Variants in DIP2A observed in about 807,000 individuals in gnomAD.
The protein encoded by DIP2A is DIP2 acetate--CoA ligase A.
A neutral mutation model predicts 177.4 loss-of-function variants in DIP2A; 85 were observed. The observed-to-expected ratio is 0.48, with a 90% CI of 0.40 to 0.57. The LOEUF is 0.57. Among genes scored for constraint, DIP2A ranks in the 20% least tolerant of loss-of-function variants. DIP2A has a pLI of 0.00. For missense variants in DIP2A, 1,791 were observed against 2,100.2 expected (o/e 0.85, Z 2.88); for synonymous variants, 886 against 881.8 (o/e 1.00, Z -0.08).
In DIP2A at chr21:46,554,690, C is replaced by G. The variant is rs751652705; in HGVS notation, c.3270C>G (p.Ile1090Met). Residue 1090 changes from isoleucine (I) to methionine (M), a missense_variant, in exon 27 of 38, where the codon ATC (isoleucine) becomes ATG (methionine). Ile to Met is a conservative substitution (Grantham distance 10). Coordinates refer to ENST00000417564, the MANE Select transcript of DIP2A (RefSeq NM_015151.4). ...LGTTLPTVKM[I>M]VEVSKSACVL... The stretch of plus-strand genomic sequence containing the variant: ...CCACACTGCCCACCGTCAAGATGAT[C>G]GTGGAGGTGCGCCTACCTGGCCCGC... 1 of 1,567,112 alleles carries G rather than the reference C, an allele frequency of 6.4e-7. No homozygotes were observed. Among genetic ancestry groups the G allele is most frequent in the Non-Finnish European group, 8.6e-7 (1 of 1,156,948 alleles).
Position 46,550,564 on chromosome 21 carries a change from G to C in DIP2A, c.2659G>C (p.Val887Leu). Reference protein sequence around the residue: ...VLQAIDSIHQVGVYCLALVPA... With the variant: ...VLQAIDSIHQLGVYCLALVPA... ...TCAGGCCATTGATAGCATCCACCAGGTGGGCGTGTACTGTCTGGCCCTGGT... is the reference window on the plus strand; with the variant it reads ...TCAGGCCATTGATAGCATCCACCAGCTGGGCGTGTACTGTCTGGCCCTGGT... Residue 887 changes from valine (V) to leucine (L), a missense_variant, in exon 23 of 38, where the codon GTG becomes CTG. Transcript: ENST00000417564. 6.2e-7 allele frequency: 1 copy of C among 1,613,376 alleles called. No individual in the cohort carries two copies. Among genetic ancestry groups the C allele is most frequent in the Non-Finnish European group, 8.5e-7 (1 of 1,179,708 alleles).
At chr21:46,476,089 A>G (rs914699040) in intron 1 of DIP2A, among the ~76,000 whole-genome samples, 1 of 151,680 alleles carries the variant, frequency 6.6e-6, no homozygotes, top group African/African-American at 2.4e-5. Flanking sequence ...CAAAAAAAAA[A>G]AAAAAAATTA....
chr21:46,496,029 G>A (rs559007412), intron 3 of DIP2A, among the ~76,000 whole-genome samples: 1 of 151,872 alleles, frequency 6.6e-6, no homozygotes, highest in Admixed American at 6.6e-5. Flanking sequence ...CTGAGATCAC[G>A]CCATTGCATT....
the DIP2A span, among the ~76,000 whole-genome samples, chr21:46,576,855 T>C: frequency 6.6e-6 from 1 of 152,242 alleles, no homozygotes; most frequent in Non-Finnish European, 1.5e-5. Context: ...TTTGTGGTTT[T>C]GACTTGCATT....
At chr21:46,533,733 A>G in intron 11 of DIP2A, 86 bp downstream of exon 11, 2 of 1,574,302 alleles carry the variant, frequency 1.3e-6, no homozygotes, top group Non-Finnish European at 8.6e-7. Flanking sequence ...AACATGACAG[A>G]GGTGTCTGGG....
chr21:46,467,776 C>A (rs1029151324), intron 1 of DIP2A, among the ~76,000 whole-genome samples: 3 of 151,494 alleles, frequency 2.0e-5, no homozygotes, highest in African/African-American at 7.3e-5. Flanking sequence ...TATCCCAGTA[C>A]AAGTGTCTTT....
At chr21:46,485,072 T>C (rs2056597382) in intron 2 of DIP2A, among the ~76,000 whole-genome samples, 1 of 152,234 alleles carries the variant, frequency 6.6e-6, no homozygotes, top group African/African-American at 2.4e-5. Context: ...TCTGGCTTGA[T>C]ACAGATCTCA....
Position 46,538,576 on chromosome 21 carries a change from T to C in DIP2A, c.1895T>C (p.Leu632Pro). Residue 632 changes from leucine to proline, a missense_variant, in exon 16 of 38, where the codon CTG becomes CCG. Physicochemically the swap from Leu to Pro is moderately conservative, Grantham distance 98 (BLOSUM62 -3). Coordinates refer to ENST00000417564, the MANE Select transcript of DIP2A (RefSeq NM_015151.4). ...RDVSLSSLRM[L>P]IVADGANPWS... is the part of the protein sequence containing the mutation. ...GTCAGCCTCAGCTCACTGCGCATGC[T>C]GATTGTGGCCGATGGTGCCAACCCG... 1 of 1,559,414 alleles carries C rather than the reference T, an allele frequency of 6.4e-7. No individual in the cohort carries two copies. The highest frequency in any genetic ancestry group is 8.7e-7 in the Non-Finnish European group (1 of 1,153,498).
At position 46,556,210 on chromosome 21, in the gene DIP2A, A is replaced by T; in HGVS notation, c.3498+119A>T. 1.4e-6 allele frequency: 2 copies of T among 1,400,414 alleles called. No homozygotes were observed. The highest frequency in any genetic ancestry group is 2.0e-6 in the Non-Finnish European group (2 of 999,948). The allele number at this position is 1,400,414 out of a possible 1,614,324, so 86.7% of individuals were successfully genotyped here. The stretch of plus-strand genomic sequence containing the variant: ...TTCTTATGCAAAGCACAAAGCAACA[A>T]TTTTGCTTCTTAAGATTTGTGTTAA... On this transcript the variant is annotated intron_variant, in intron 29 of 37. Transcript: ENST00000417564. The surrounding 1 kb of genome is among the most constrained non-coding windows in gnomAD (Gnocchi z 4.5).
intron 22 of DIP2A, among the ~76,000 whole-genome samples, 164 bp from the exon 23 acceptor site, chr21:46,550,379 C>T (rs1601807306): frequency 6.6e-6 from 1 of 152,196 alleles, no homozygotes; most frequent in Admixed American, 6.5e-5. Flanking sequence ...GAAAACTGCA[C>T]ACACTTCTCT....
At chr21:46,497,386 GAAGAAC>G (rs2057416047) in intron 4 of DIP2A, among the ~76,000 whole-genome samples, 1 of 152,144 alleles carries the variant, frequency 6.6e-6, no homozygotes, top group Non-Finnish European at 1.5e-5. Flanking sequence ...TTAGTAAAGA[GAAGAAC>G]CTAAAGCACT....
At chr21:46,514,632 T>G (rs1424613282) in intron 8 of DIP2A, among the ~76,000 whole-genome samples, 2 of 140,316 alleles carry the variant, frequency 1.4e-5, no homozygotes, top group Admixed American at 7.1e-5. Context: ...TTTTTTTTTT[T>G]TTTTTTTTGG....
rs1219380140 is a variant in DIP2A, at chr21:46,533,944, AGT to A, written c.1430-56_1430-55del. On this transcript the variant is annotated intron_variant, in intron 11 of 37. Transcript: ENST00000417564. Reference sequence around the variant, plus strand: ...CTGCATGTTGGAGGCGCAGGCTTCGAGTGTGGGGAGCAGATGCCTCTGACTGC... The same window carrying A: ...CTGCATGTTGGAGGCGCAGGCTTCGAGTGGGGAGCAGATGCCTCTGACTGC... 10 of 1,424,232 alleles carry A rather than the reference AGT, an allele frequency of 7.0e-6. No individual in the cohort carries two copies. In the Admixed American group the frequency reaches 1.1e-4, roughly 16 times the overall value. The allele number at this position is 1,424,232 out of a possible 1,614,324, so 88.2% of individuals were successfully genotyped here. A position where few individuals can be genotyped will look rare whatever the true frequency, so the allele number is the denominator to read the frequency against.
At chr21:46,493,363 T>C (rs955033929) in intron 3 of DIP2A, among the ~76,000 whole-genome samples, 1 of 148,702 alleles carries the variant, frequency 6.7e-6, no homozygotes, top group African/African-American at 2.5e-5. Flanking sequence ...TTTAGGGGAA[T>C]CACAGTAACT....
chr21:46,546,820 G>T, intron 20 of DIP2A, 95 bp from the exon 21 acceptor site: 4 of 1,439,790 alleles, frequency 2.8e-6, no homozygotes, highest in Non-Finnish European at 3.8e-6. Context: ...AGGCTCCTGT[G>T]CTGTTGGCCC....
intron 6 of DIP2A, among the ~76,000 whole-genome samples, chr21:46,505,654 A>T (rs779047165): frequency 3.9e-5 from 6 of 152,160 alleles, no homozygotes; most frequent in African/African-American, 7.2e-5. Flanking sequence ...CATCACTACA[A>T]TCAAGATAGT....
Position 46,511,454 on chromosome 21 carries a change from AAGCGAGACGAGTGTGCTGAGAGGGG to A in DIP2A, c.946_970del (p.Glu316LeufsTer29). The A allele has an allele frequency of 1.2e-6, 2 of 1,612,616 alleles. No homozygotes were observed. Among genetic ancestry groups the A allele is most frequent in the Non-Finnish European group, 1.7e-6 (2 of 1,179,314 alleles). On this transcript the variant is annotated frameshift_variant, in exon 8 of 38. Transcript: ENST00000417564. LOFTEE classifies it high-confidence loss of function. The stretch of plus-strand genomic sequence containing the variant: ...ATCCAAATCAGCCAAAGCCTGAGGG[AAGCGAGACGAGTGTGCTGAGAGGGG>A]AGCCTCTCACTGCAGGTGTCCCCCG...
At chr21:46,502,926 A>C (rs976198972) in intron 5 of DIP2A, among the ~76,000 whole-genome samples, 3 of 152,206 alleles carry the variant, frequency 2.0e-5, no homozygotes, top group African/African-American at 7.2e-5. Flanking sequence ...TGTACCATGG[A>C]AATAAAACAC....
At chr21:46,464,465 T>C (rs2054618412) in intron 1 of DIP2A, among the ~76,000 whole-genome samples, 1 of 152,198 alleles carries the variant, frequency 6.6e-6, no homozygotes, top group African/African-American at 2.4e-5. Flanking sequence ...CTCTCTATCT[T>C]AGTCTATTTT....
Sources: gnomAD v4.1 joint callset for allele counts (sites outside exome capture counted in the v4.1 genomes callset) on GRCh38, gnomAD v4.1.1 for gene constraint, Gnocchi (gnomAD v3.1) non-coding constraint, MANE v1.5 for transcripts, NCBI Gene and HGNC (gene_info 2026-07-23, HGNC 2026-07-21) for gene names.